Variants in GPR143 observed in about 807,000 individuals in gnomAD.
The protein encoded by GPR143 is G protein-coupled receptor 143, also known as G-protein coupled receptor 143.
In GPR143, 8 loss-of-function variants were observed where a neutral mutation model predicts 27.6. The ratio of observed to expected loss-of-function variants is 0.29; its 90% confidence interval spans 0.17 to 0.52. The LOEUF (loss-of-function observed/expected upper bound fraction) is 0.52, where lower values mean the gene tolerates loss of function less well. Among genes scored for constraint, GPR143 ranks in the 20% least tolerant of loss-of-function variants. The pLI is 0.96. For missense variants in GPR143, 303 were observed against 343.1 expected (o/e 0.88, Z 0.92); for synonymous variants, 156 against 153.2 (o/e 1.02, Z -0.13).
rs755346400 is a variant in GPR143 at position 9,761,427 on chromosome X, C to T, written c.251-601G>A. Among the ~76,000 whole-genome samples the T allele has an allele frequency of 7.1e-5, 8 of 112,435 alleles. No individual in the cohort carries two copies. In the East Asian group the frequency reaches 1.1e-3, roughly 16 times the overall value. On this transcript the variant is annotated intron_variant, in intron 1 of 8. Transcript: ENST00000467482. ...AAATAACTTATGGTAGCAAAACAAACGCAGGCACTTTAACGCAAACCATAG... is the reference window on the plus strand; with the variant it reads ...AAATAACTTATGGTAGCAAAACAAATGCAGGCACTTTAACGCAAACCATAG...
intron 3 of GPR143, among the ~76,000 whole-genome samples, chrX:9,755,454 A>C (rs188898684): frequency 1.8e-5 from 2 of 110,174 alleles, no homozygotes; most frequent in Non-Finnish European, 3.8e-5. Context: ...CTCAAAAAAA[A>C]GAAAAGAAAA....
chrX:9,761,495 C>CT (rs908291447), intron 1 of GPR143, among the ~76,000 whole-genome samples: 1 of 112,676 alleles, frequency 8.9e-6, no homozygotes, highest in Non-Finnish European at 1.9e-5. Context: ...TGTTGGTTTA[C>CT]TTGCAATATG....
chrX:9,774,458 C>T (rs762745119), intron 1 of GPR143, among the ~76,000 whole-genome samples: 3 of 112,553 alleles, frequency 2.7e-5, no homozygotes, highest in Non-Finnish European at 5.6e-5. Flanking sequence ...TGTCCCACTT[C>T]TGCCAGTCAG....
intron 1 of GPR143, among the ~76,000 whole-genome samples, chrX:9,774,876 T>C (rs754476059): frequency 9.0e-6 from 1 of 111,505 alleles, no homozygotes; most frequent in African/African-American, 3.3e-5. Context: ...TTGTTTGGTT[T>C]TTTTTGAGAC....
chrX:9,772,707 T>C (rs1405755941), intron 1 of GPR143, among the ~76,000 whole-genome samples: 3 of 102,293 alleles, frequency 2.9e-5, no homozygotes, highest in Non-Finnish European at 5.9e-5. Flanking sequence ...CAGCTGCTGT[T>C]GGGGGCTGAG....
At chrX:9,755,839 T>C (rs1022737151) in intron 3 of GPR143, among the ~76,000 whole-genome samples, 3 of 112,108 alleles carry the variant, frequency 2.7e-5, no homozygotes, top group Admixed American at 9.6e-5. Flanking sequence ...ATTATTATTA[T>C]ATATATTTTA....
chrX:9,768,486 G>A (rs191248497), upstream of GPR143, among the ~76,000 whole-genome samples: 138 of 111,407 alleles, frequency 1.2e-3, 1 homozygote, highest in Middle Eastern at 4.6e-3. Flanking sequence ...GGTCCCAAGG[G>A]AAGGCCAGTC....
chrX:9,736,035 C>G (rs1487861503), intron 8 of GPR143, among the ~76,000 whole-genome samples: 1 of 110,970 alleles, frequency 9.0e-6, no homozygotes, highest in South Asian at 3.8e-4. Flanking sequence ...TTTACATAGT[C>G]CCAGGGATCC....
intron 5 of GPR143, among the ~76,000 whole-genome samples, chrX:9,745,675 G>A (rs1449843089): frequency 2.7e-5 from 3 of 111,859 alleles, no homozygotes; most frequent in Non-Finnish European, 5.6e-5. Context: ...GGCTGGAGCC[G>A]CCTCAGTACA....
rs748504125 is a variant in GPR143, at chrX:9,746,072, G to A, written c.630C>T (p.Pro210=). 2.5e-6 allele frequency: 3 copies of A among 1,195,054 alleles called. No homozygotes were observed. The highest frequency in any genetic ancestry group is 3.5e-5 in the South Asian group (2 of 56,635). Residue 210 remains proline (P), a synonymous_variant, in exon 5 of 9, where the codon CCC becomes CCT. Transcript: ENST00000467482. ...LPLLLVLVAN[P]ILFQKTVTAV... is the part of the protein sequence containing the mutation. ...CAGTCACTGTCTTTTGGAACAGGATGGGGTTCGCCACGAGAACCAGCAGCA... is the reference window on the plus strand; with the variant it reads ...CAGTCACTGTCTTTTGGAACAGGATAGGGTTCGCCACGAGAACCAGCAGCA...
chrX:9,739,759 C>T (rs2083394707), intron 7 of GPR143, 40 bp from the exon 8 acceptor site: 7 of 913,583 alleles, frequency 7.7e-6, no homozygotes, highest in South Asian at 2.1e-5. Flanking sequence ...GTCAGTGCAG[C>T]GTAGCAGAAG....
At chrX:9,762,658 G>C (rs1447824030) in intron 1 of GPR143, among the ~76,000 whole-genome samples, 1 of 111,615 alleles carries the variant, frequency 9.0e-6, no homozygotes. Flanking sequence ...CGACAACTGT[G>C]AACACTAAAA....
intron 3 of GPR143, among the ~76,000 whole-genome samples, chrX:9,750,991 T>G (rs1186138680): frequency 8.9e-6 from 1 of 112,666 alleles, no homozygotes; most frequent in Admixed American, 9.4e-5. Flanking sequence ...CACTTACTCC[T>G]CTTACAGCCT....
intron 3 of GPR143, among the ~76,000 whole-genome samples, chrX:9,753,449 A>C (rs1426288232): frequency 9.2e-6 from 1 of 108,792 alleles, no homozygotes; most frequent in Non-Finnish European, 1.9e-5. Flanking sequence ...AGATGAGGGG[A>C]TAGCTTAGAG....
At chrX:9,758,687 C>G (rs1436827271) in intron 3 of GPR143, among the ~76,000 whole-genome samples, 1 of 111,765 alleles carries the variant, frequency 8.9e-6, no homozygotes, top group Non-Finnish European at 1.9e-5. Flanking sequence ...GAGTTTGAGA[C>G]CAGCCTGGGC....
intron 1 of GPR143, among the ~76,000 whole-genome samples, chrX:9,762,150 G>A (rs1353541811): frequency 9.0e-6 from 1 of 111,082 alleles, no homozygotes; most frequent in Non-Finnish European, 1.9e-5. Context: ...AGCACTTTGG[G>A]AGGCTGAGGT....
chrX:9,769,773 C>T (rs1012048065), upstream of GPR143, among the ~76,000 whole-genome samples: 4 of 110,092 alleles, frequency 3.6e-5, no homozygotes, highest in South Asian at 3.9e-4. Flanking sequence ...GTACAGACGG[C>T]GTTTTGCCAA....
At chrX:9,769,304 A>G (rs1025381598), upstream of GPR143, among the ~76,000 whole-genome samples, 13 of 111,554 alleles carry the variant, frequency 1.2e-4, no homozygotes, top group African/African-American at 4.2e-4. Flanking sequence ...GCTTTCTCTC[A>G]TTCCACAATC....
At chrX:9,730,411 C>T (rs1456025472) in intron 8 of GPR143, among the ~76,000 whole-genome samples, 7 of 103,640 alleles carry the variant, frequency 6.8e-5, no homozygotes, top group African/African-American at 2.6e-4. Context: ...TTTTCTCTTC[C>T]ACACCCTCAA....
Sources: gnomAD v4.1 joint callset for allele counts (sites outside exome capture counted in the v4.1 genomes callset) on GRCh38, gnomAD v4.1.1 for gene constraint, MANE v1.5 for transcripts, NCBI Gene and HGNC (gene_info 2026-07-23, HGNC 2026-07-21) for gene names.